The following TCF12 variants were observed in gnomAD, a reference collection of about 807,000 sequenced individuals.
The protein encoded by TCF12 is DNA-binding protein HTF4.
In TCF12, 45 loss-of-function variants were observed where a neutral mutation model predicts 86.0. That is an observed-to-expected ratio of 0.52 (90% CI 0.41 to 0.67). The LOEUF is 0.67. TCF12 is among the 30% of genes least tolerant of loss of function. The pLI, the probability that TCF12 is intolerant of heterozygous loss-of-function variation, is 0.00. For synonymous variants in TCF12, 330 were observed against 299.6 expected (o/e 1.10, Z -1.05); for missense variants, 881 against 859.9 (o/e 1.02, Z -0.31).
intron 5 of TCF12, chr15:57,134,601 A>G (rs535786507): frequency 3.9e-4 from 60 of 152,350 alleles, no homozygotes; most frequent in South Asian, 2.3e-3. Flanking sequence ...ATGAAGCACC[A>G]TTAGATTTTA....
At chr15:57,262,044 C>A in intron 16 of TCF12, 50 bp from the exon 17 acceptor site, 1 of 1,286,082 alleles carries the variant, frequency 7.8e-7, no homozygotes, top group Non-Finnish European at 1.1e-6. Context: ...CAGTTATTGC[C>A]TCTGAACTAT....
chr15:57,183,233 T>G (rs1407128922), intron 6 of TCF12, among the ~76,000 whole-genome samples: 2 of 152,174 alleles, frequency 1.3e-5, no homozygotes, highest in Non-Finnish European at 2.9e-5. Context: ...TCAGTTAACA[T>G]TTCACCACAT....
At position 57,091,865 on chromosome 15, in the gene TCF12, C is replaced by A; in HGVS notation, c.299C>A (p.Thr100Lys). Residue 100 changes from threonine to lysine, a missense_variant, in exon 5 of 21, where the codon ACA becomes AAA. Thr to Lys is a moderately conservative substitution (Grantham distance 78, BLOSUM62 -1). Transcript: ENST00000333725. ...GGAGCCCATGAAGGCTTGTCCCCAA[C>A]ACCTTTCATGAACTCAAATCTGATG... The part of the protein sequence containing the change: ...RLGAHEGLSP[T>K]PFMNSNLMGK... 1 of 1,613,760 alleles carries A rather than the reference C, an allele frequency of 6.2e-7. No individual in the cohort carries two copies.
At chr15:57,183,628 C>G (rs555884284) in intron 6 of TCF12, among the ~76,000 whole-genome samples, 1 of 152,102 alleles carries the variant, frequency 6.6e-6, no homozygotes, top group Admixed American at 6.6e-5. Flanking sequence ...ATAAAAATAT[C>G]ATTCGTCTCA....
chr15:57,162,087 A>G (rs2054546621), intron 5 of TCF12, among the ~76,000 whole-genome samples: 1 of 152,204 alleles, frequency 6.6e-6, no homozygotes, highest in Non-Finnish European at 1.5e-5. Context: ...ACCCTGTATT[A>G]GACTATCCCA....
intron 3 of TCF12, among the ~76,000 whole-genome samples, chr15:56,947,332 C>G (rs1238238232): frequency 6.6e-6 from 1 of 152,016 alleles, no homozygotes. Flanking sequence ...AGTAATATAG[C>G]GGGACTCCAA....
intron 5 of TCF12, among the ~76,000 whole-genome samples, chr15:57,148,074 C>A (rs528915226): frequency 6.6e-6 from 1 of 151,606 alleles, no homozygotes; most frequent in Non-Finnish European, 1.5e-5. Context: ...TGTAGAGACA[C>A]GATCGCACTA....
intron 16 of TCF12, among the ~76,000 whole-genome samples, chr15:57,257,044 A>T (rs1457863719): frequency 6.6e-6 from 1 of 152,220 alleles, no homozygotes; most frequent in Non-Finnish European, 1.5e-5. Flanking sequence ...AACTCTGACA[A>T]TGTAATGTGA....
At chr15:56,984,249 G>GGGGTGT (rs1272890475) in intron 3 of TCF12, among the ~76,000 whole-genome samples, 2 of 123,074 alleles carry the variant, frequency 1.6e-5, no homozygotes, top group East Asian at 2.4e-4. Context: ...GCATGTGCAT[G>GGGGTGT]GTGTGTGTGT....
intron 3 of TCF12, among the ~76,000 whole-genome samples, chr15:57,030,025 G>A (rs1323605819): frequency 6.6e-6 from 1 of 151,738 alleles, no homozygotes; most frequent in Non-Finnish European, 1.5e-5. Context: ...GAGTAGAGTC[G>A]CTATGAACAT....
intron 6 of TCF12, among the ~76,000 whole-genome samples, chr15:57,174,161 G>T (rs2055740013): frequency 6.6e-6 from 1 of 152,226 alleles, no homozygotes; most frequent in Non-Finnish European, 1.5e-5. Context: ...AACAGAGGAA[G>T]AGTGAACATT....
chr15:57,076,111 C>T (rs2070009775), intron 4 of TCF12, among the ~76,000 whole-genome samples: 2 of 151,628 alleles, frequency 1.3e-5, no homozygotes, highest in South Asian at 4.2e-4. Context: ...CTGCCTTGGC[C>T]TCCCAAAGTC....
chr15:57,173,057 C>G (rs1464421230), intron 6 of TCF12, among the ~76,000 whole-genome samples: 2 of 152,076 alleles, frequency 1.3e-5, no homozygotes, highest in African/African-American at 4.8e-5. Flanking sequence ...CTGCTGCACT[C>G]CAGCCTGGGC....
intron 3 of TCF12, among the ~76,000 whole-genome samples, chr15:56,975,553 C>G (rs1381513798): frequency 6.6e-6 from 1 of 152,012 alleles, no homozygotes; most frequent in African/African-American, 2.4e-5. Context: ...CCTAATAAAG[C>G]CTGCCTAGCT....
chr15:56,971,222 A>G (rs1188355554), intron 3 of TCF12, among the ~76,000 whole-genome samples: 1 of 151,964 alleles, frequency 6.6e-6, no homozygotes, highest in Non-Finnish European at 1.5e-5. Flanking sequence ...TCAGGAGTTC[A>G]AGAACAGCCA....
chr15:57,004,807 C>T (rs535885695), intron 3 of TCF12, among the ~76,000 whole-genome samples: 11 of 152,076 alleles, frequency 7.2e-5, no homozygotes, highest in South Asian at 2.1e-4. Context: ...CTGCCTGCCT[C>T]GGCCCCCAAA....
intron 3 of TCF12, among the ~76,000 whole-genome samples, chr15:56,996,192 T>G (rs2063705959): frequency 6.6e-6 from 1 of 152,150 alleles, no homozygotes; most frequent in Middle Eastern, 3.2e-3. Flanking sequence ...TTGGTAGTAT[T>G]TTGTTGAGGA....
At chr15:57,066,574 T>G (rs2068891873) in intron 4 of TCF12, among the ~76,000 whole-genome samples, 1 of 152,152 alleles carries the variant, frequency 6.6e-6, no homozygotes, top group African/African-American at 2.4e-5. Flanking sequence ...TAGAAATTTT[T>G]TATTATACTT....
intron 5 of TCF12, among the ~76,000 whole-genome samples, chr15:57,165,002 T>G (rs1439483009): frequency 6.6e-6 from 1 of 152,156 alleles, no homozygotes; most frequent in African/African-American, 2.4e-5. Flanking sequence ...TCTTACATGT[T>G]GCTGGGAAGA....
Sources: gnomAD v4.1 joint callset for allele counts (sites outside exome capture counted in the v4.1 genomes callset) on GRCh38, gnomAD v4.1.1 for gene constraint, MANE v1.5 for transcripts, NCBI Gene and HGNC (gene_info 2026-07-23, HGNC 2026-07-21) for gene names.